Variants in KHDRBS2 observed in about 807,000 individuals in gnomAD.
The protein encoded by KHDRBS2 is KH RNA binding domain containing, signal transduction associated 2, also known as KH domain-containing, RNA-binding, signal transduction-associated protein 2.
A neutral mutation model predicts 44.3 loss-of-function variants in KHDRBS2; 26 were observed. The ratio of observed to expected loss-of-function variants is 0.59; its 90% CI spans 0.43 to 0.81. KHDRBS2 has a LOEUF of 0.81. Among genes scored for constraint, KHDRBS2 ranks in the 40% least tolerant of loss-of-function variants. KHDRBS2 has a pLI of 0.00. For missense variants in KHDRBS2, 476 were observed against 433.1 expected, an observed-to-expected ratio of 1.10 and a Z score of -0.88; for synonymous variants, 194 against 151.1, an observed-to-expected ratio of 1.28 and a Z score of -2.08.
At chr6:61,586,535 T>C in the KHDRBS2 span, among the ~76,000 whole-genome samples, 1 of 152,102 alleles carries the variant, frequency 6.6e-6, no homozygotes, top group Admixed American at 6.6e-5. Flanking sequence ...AATCAAAGAA[T>C]CCAACATTCT....
intron 6 of KHDRBS2, among the ~76,000 whole-genome samples, chr6:61,766,702 T>C (rs1040439583): frequency 2.0e-5 from 3 of 152,110 alleles, no homozygotes; most frequent in African/African-American, 7.2e-5. Flanking sequence ...ATTTTCTTCC[T>C]AATTTCTTCA....
At chr6:61,884,256 C>G (rs1335000633) in intron 6 of KHDRBS2, among the ~76,000 whole-genome samples, 4 of 152,010 alleles carry the variant, frequency 2.6e-5, no homozygotes, top group African/African-American at 9.7e-5. Context: ...TTACTTAAGG[C>G]TGATGAAAAG....
At chr6:61,686,152 GAAAAGAATCTA>G (rs1044631716) in intron 8 of KHDRBS2, among the ~76,000 whole-genome samples, 3 of 151,626 alleles carry the variant, frequency 2.0e-5, no homozygotes, top group Non-Finnish European at 4.4e-5. Flanking sequence ...CTGAAATATG[GAAAAGAATCTA>G]AAAAGAAGCT....
chr6:62,231,180 C>T (rs772822094), intron 1 of KHDRBS2, among the ~76,000 whole-genome samples: 49 of 152,254 alleles, frequency 3.2e-4, no homozygotes, highest in Non-Finnish European at 6.3e-4. Context: ...TACACACAAA[C>T]GTACATTGTC....
chr6:61,749,211 C>T (rs868237108), intron 6 of KHDRBS2, among the ~76,000 whole-genome samples: 21 of 151,764 alleles, frequency 1.4e-4, no homozygotes, highest in South Asian at 1.2e-3. Flanking sequence ...GATGGGGTTC[C>T]GCCGTGTTAG....
At chr6:61,844,881 C>T (rs1371070519) in intron 6 of KHDRBS2, among the ~76,000 whole-genome samples, 2 of 152,034 alleles carry the variant, frequency 1.3e-5, no homozygotes, top group Non-Finnish European at 2.9e-5. Flanking sequence ...AATACAGCAC[C>T]TTACACTTGA....
At chr6:61,806,849 TTAA>T (rs1444755637) in intron 6 of KHDRBS2, among the ~76,000 whole-genome samples, 1 of 152,182 alleles carries the variant, frequency 6.6e-6, no homozygotes, top group Non-Finnish European at 1.5e-5. Flanking sequence ...ATTGTATATA[TTAA>T]TGATGTACAA....
intron 6 of KHDRBS2, among the ~76,000 whole-genome samples, chr6:61,797,450 AATG>A (rs1451800763): frequency 2.6e-5 from 4 of 152,146 alleles, no homozygotes; most frequent in African/African-American, 7.2e-5. Flanking sequence ...TACAAGAAAA[AATG>A]ATAACTGATT....
At chr6:62,132,039 A>G (rs1810451489) in intron 2 of KHDRBS2, among the ~76,000 whole-genome samples, 1 of 152,290 alleles carries the variant, frequency 6.6e-6, no homozygotes, top group Admixed American at 6.5e-5. Context: ...AAACTTGCTA[A>G]TCTTAACATT....
intron 6 of KHDRBS2, among the ~76,000 whole-genome samples, chr6:61,735,575 G>A (rs73759526): frequency 2.5e-3 from 373 of 152,216 alleles, no homozygotes; most frequent in African/African-American, 8.1e-3. Context: ...AGCTAGCATA[G>A]TTCCCCAACC....
chr6:62,223,954 G>A (rs1283372821), intron 1 of KHDRBS2, among the ~76,000 whole-genome samples: 1 of 152,036 alleles, frequency 6.6e-6, no homozygotes, highest in Non-Finnish European at 1.5e-5. Flanking sequence ...CCTCCAAACT[G>A]TTCAAAACCT....
intron 6 of KHDRBS2, among the ~76,000 whole-genome samples, chr6:61,848,938 G>A (rs116126593): frequency 6.3e-4 from 96 of 151,704 alleles, no homozygotes; most frequent in Non-Finnish European, 1.2e-3. Context: ...TTTCGTTGCC[G>A]GAAAAATTAT....
chr6:62,260,074 G>C (rs1203387412), intron 1 of KHDRBS2, among the ~76,000 whole-genome samples: 1 of 151,890 alleles, frequency 6.6e-6, no homozygotes, highest in Non-Finnish European at 1.5e-5. Context: ...GTCAGAGCTG[G>C]GGTCCAAGCT....
At chr6:61,800,228 A>G (rs60304462) in intron 6 of KHDRBS2, among the ~76,000 whole-genome samples, 27,746 of 152,078 alleles carry the variant, frequency 0.18, 2,640 homozygotes, top group Non-Finnish European at 0.2. Context: ...TAAGAACTAA[A>G]TTTTATATTT....
intron 2 of KHDRBS2, among the ~76,000 whole-genome samples, chr6:62,117,908 T>C (rs886968388): frequency 1.3e-5 from 2 of 152,148 alleles, no homozygotes; most frequent in Admixed American, 1.3e-4. Context: ...CCCGAGTAGC[T>C]TGGATTACAG....
chr6:61,674,503 A>T, the KHDRBS2 span, among the ~76,000 whole-genome samples: 1 of 151,728 alleles, frequency 6.6e-6, no homozygotes, highest in Admixed American at 6.6e-5. Flanking sequence ...ATTCTTGTTC[A>T]AAGAATTACA....
chr6:61,639,827 G>T, the KHDRBS2 span, among the ~76,000 whole-genome samples: 1 of 151,982 alleles, frequency 6.6e-6, no homozygotes, highest in African/African-American at 2.4e-5. Flanking sequence ...GGAAAATGGT[G>T]TGACAACCTG....
At chr6:62,115,479 C>T (rs560615638) in intron 2 of KHDRBS2, among the ~76,000 whole-genome samples, 1 of 152,226 alleles carries the variant, frequency 6.6e-6, no homozygotes, top group East Asian at 1.9e-4. Context: ...AGGATGAAAT[C>T]CAAATGCCAA....
At chr6:61,681,642 C>A (rs887344081) in intron 8 of KHDRBS2, among the ~76,000 whole-genome samples, 1 of 151,600 alleles carries the variant, frequency 6.6e-6, no homozygotes, top group Admixed American at 6.6e-5. Flanking sequence ...GTAAACAAAA[C>A]AAAACACAAA....
Sources: gnomAD v4.1 joint callset for allele counts (sites outside exome capture counted in the v4.1 genomes callset) on GRCh38, gnomAD v4.1.1 for gene constraint, MANE v1.5 for transcripts, NCBI Gene and HGNC (gene_info 2026-07-23, HGNC 2026-07-21) for gene names.